Variants in ANO10 observed in about 807,000 individuals in gnomAD.
The protein encoded by ANO10 is anoctamin 10, also known as anoctamin-10.
Under a neutral mutation model 74.7 loss-of-function variants are expected in ANO10, and 77 were observed. That is an observed-to-expected ratio of 1.03 (90% confidence interval 0.86 to 1.25). The LOEUF (loss-of-function observed/expected upper bound fraction) is 1.25, where lower values mean the gene tolerates loss of function less well. Ranked by LOEUF, ANO10 falls within the 50% of genes most tolerant of loss-of-function variation. ANO10 has a pLI of 0.00. For missense variants in ANO10, 721 were observed against 778.1 expected (o/e 0.93, Z 0.87); for synonymous variants, 279 against 284.9 (o/e 0.98, Z 0.21).
At chr3:43,398,427 C>A (rs568969578) in intron 12 of ANO10, among the ~76,000 whole-genome samples, 1 of 152,132 alleles carries the variant, frequency 6.6e-6, no homozygotes, top group South Asian at 2.1e-4. Context: ...AGTAATATAT[C>A]GCTTTGTAAA....
intron 12 of ANO10, chr3:43,424,556 C>T (rs2092869630): frequency 6.6e-6 from 1 of 152,176 alleles, no homozygotes; most frequent in Non-Finnish European, 1.5e-5. Context: ...ATGGCTCCAC[C>T]AGATTCACCA....
chr3:43,485,757 G>T, intron 11 of ANO10: 1 of 232,284 alleles, frequency 4.3e-6, no homozygotes, highest in South Asian at 5.0e-5. Context: ...CCAGAAGTGG[G>T]ACCTGTTGAC....
chr3:43,468,165 T>TA (rs1390811619), intron 11 of ANO10, among the ~76,000 whole-genome samples: 1 of 152,350 alleles, frequency 6.6e-6, no homozygotes, highest in African/African-American at 2.4e-5. Context: ...AGTGATTTCT[T>TA]ATGTGTTTAA....
chr3:43,690,930 G>C, intron 1 of ANO10: 2 of 1,521,566 alleles, frequency 1.3e-6, no homozygotes, highest in Non-Finnish European at 1.8e-6. Flanking sequence ...GCCAGCCCGG[G>C]GCGGCCCAGT....
chr3:43,625,075 A>G (rs567521779), upstream of ANO10, among the ~76,000 whole-genome samples: 115 of 151,930 alleles, frequency 7.6e-4, 1 homozygote, highest in African/African-American at 2.7e-3. Flanking sequence ...CCTTTTCCCA[A>G]CTCCTCTGTC....
intron 1 of ANO10, among the ~76,000 whole-genome samples, chr3:43,661,237 T>C (rs1222459384): frequency 6.6e-6 from 1 of 151,978 alleles, no homozygotes; most frequent in Non-Finnish European, 1.5e-5. Flanking sequence ...CAGAAGAGAG[T>C]GGGGGCCAAT....
chr3:43,535,990 G>C (rs1194371902), intron 11 of ANO10, among the ~76,000 whole-genome samples: 2 of 152,138 alleles, frequency 1.3e-5, no homozygotes, highest in Non-Finnish European at 2.9e-5. Context: ...ACAAATGTTT[G>C]TTATCCAATT....
intron 1 of ANO10, among the ~76,000 whole-genome samples, chr3:43,667,951 A>G (rs925064176): frequency 3.9e-5 from 6 of 152,160 alleles, no homozygotes; most frequent in African/African-American, 1.2e-4. Flanking sequence ...TTGGGTAGAT[A>G]CCCAGTAGTG....
At chr3:43,440,458 T>C (rs1044113503) in intron 11 of ANO10, among the ~76,000 whole-genome samples, 6 of 151,854 alleles carry the variant, frequency 4.0e-5, no homozygotes, top group South Asian at 4.2e-4. Context: ...AAGAGACAAA[T>C]GAGGATATTA....
intron 1 of ANO10, among the ~76,000 whole-genome samples, chr3:43,684,984 C>T (rs1470400667): frequency 3.3e-5 from 5 of 152,060 alleles, no homozygotes; most frequent in East Asian, 1.9e-4. Context: ...TAATGTTAAA[C>T]GAAGAGTTAA....
chr3:43,550,002 T>C (rs2079386317), intron 10 of ANO10, among the ~76,000 whole-genome samples, 154 bp from the exon 11 acceptor site: 1 of 152,176 alleles, frequency 6.6e-6, no homozygotes, highest in African/African-American at 2.4e-5. Context: ...CATGGTATGA[T>C]TTTTTTAGCT....
intron 12 of ANO10, among the ~76,000 whole-genome samples, chr3:43,427,866 C>CT (rs1445550973): frequency 6.6e-6 from 1 of 152,120 alleles, no homozygotes; most frequent in Non-Finnish European, 1.5e-5. Context: ...CCTTTTGTAC[C>CT]TTATAGGACC....
At chr3:43,558,075 C>CAG (rs2079846892) in intron 9 of ANO10, among the ~76,000 whole-genome samples, 3 of 136,308 alleles carry the variant, frequency 2.2e-5, no homozygotes, top group Non-Finnish European at 4.6e-5. Flanking sequence ...CACTGCCCTC[C>CAG]AACCTGTGTG....
chr3:43,380,941 G>A (rs969882733), intron 12 of ANO10, among the ~76,000 whole-genome samples: 32 of 152,144 alleles, frequency 2.1e-4, no homozygotes, highest in African/African-American at 6.8e-4. Flanking sequence ...TCACATTTAC[G>A]CATGGCCCAG....
chr3:43,663,660 A>C (rs538977246), intron 1 of ANO10, among the ~76,000 whole-genome samples: 15 of 152,278 alleles, frequency 9.9e-5, no homozygotes, highest in African/African-American at 3.6e-4. Flanking sequence ...TCAGCCCAAA[A>C]TCTCCTTAAG....
intron 12 of ANO10, among the ~76,000 whole-genome samples, chr3:43,427,236 C>A (rs1031263508): frequency 2.0e-5 from 3 of 152,130 alleles, no homozygotes; most frequent in Non-Finnish European, 4.4e-5. Flanking sequence ...TTGTTCTTGG[C>A]ACTCACCTGG....
upstream of ANO10, among the ~76,000 whole-genome samples, chr3:43,625,939 AC>A (rs1234664759): frequency 6.8e-6 from 1 of 147,322 alleles, no homozygotes; most frequent in African/African-American, 2.5e-5. Flanking sequence ...CTCTTCAATT[AC>A]TTTTTTTTTT....
intron 1 of ANO10, among the ~76,000 whole-genome samples, chr3:43,636,005 C>T (rs763199811): frequency 2.7e-5 from 4 of 150,192 alleles, no homozygotes; most frequent in Non-Finnish European, 4.4e-5. Flanking sequence ...GAATCCTTAA[C>T]AAACAAGTAA....
At chr3:43,588,983 T>C (rs2081599769) in intron 4 of ANO10, among the ~76,000 whole-genome samples, 1 of 152,064 alleles carries the variant, frequency 6.6e-6, no homozygotes, top group African/African-American at 2.4e-5. Context: ...AAGAACTACA[T>C]GACAAAATTA....
Sources: allele counts gnomAD v4.1 joint callset (sites outside exome capture counted in the v4.1 genomes callset), GRCh38; gene constraint gnomAD v4.1.1; transcripts MANE v1.5; gene names NCBI Gene and HGNC (gene_info 2026-07-23, HGNC 2026-07-21).